The following REDIC1 variants were observed in gnomAD, a reference collection of about 807,000 sequenced individuals.
The protein encoded by REDIC1 is regulator of DNA class I crossover intermediates 1.
chr12:39,679,187 C>T, the REDIC1 span, among the ~76,000 whole-genome samples: 2 of 152,098 alleles, frequency 1.3e-5, no homozygotes, highest in African/African-American at 2.4e-5. Flanking sequence ...AAATAAAGGG[C>T]ATCCAAATAG....
At chr12:39,896,423 T>C in the REDIC1 span, among the ~76,000 whole-genome samples, 2 of 144,626 alleles carry the variant, frequency 1.4e-5, no homozygotes, top group African/African-American at 2.6e-5. Context: ...TATGTATATG[T>C]GTATATATGT....
the REDIC1 span, among the ~76,000 whole-genome samples, chr12:39,863,865 A>C: frequency 6.6e-6 from 1 of 152,194 alleles, no homozygotes. Flanking sequence ...ATGAATACCA[A>C]GTGGAGTTTA....
chr12:39,796,828 A>G, the REDIC1 span, among the ~76,000 whole-genome samples: 1 of 152,160 alleles, frequency 6.6e-6, no homozygotes, highest in Non-Finnish European at 1.5e-5. Context: ...TATTTTTAAT[A>G]ATGATAATGC....
chr12:39,653,076 C>T, the REDIC1 span, among the ~76,000 whole-genome samples: 6 of 151,808 alleles, frequency 4.0e-5, no homozygotes, highest in Non-Finnish European at 1.5e-5. Context: ...AACCAGAAAC[C>T]AAATCTATTT....
chr12:39,750,410 G>A, the REDIC1 span, among the ~76,000 whole-genome samples: 1 of 152,182 alleles, frequency 6.6e-6, no homozygotes, highest in Non-Finnish European at 1.5e-5. Flanking sequence ...TGAAACAAAA[G>A]AGGACACAAA....
the REDIC1 span, among the ~76,000 whole-genome samples, chr12:39,699,752 A>G: frequency 6.6e-6 from 1 of 152,226 alleles, no homozygotes; most frequent in South Asian, 2.1e-4. Context: ...ATCTGAGAAC[A>G]GGCAGAATGC....
the REDIC1 span, among the ~76,000 whole-genome samples, chr12:39,787,192 C>T: frequency 6.6e-6 from 1 of 152,006 alleles, no homozygotes; most frequent in South Asian, 2.1e-4. Context: ...TGTAACAGAC[C>T]CAGGTTTGAA....
At chr12:39,768,766 C>T in the REDIC1 span, among the ~76,000 whole-genome samples, 1 of 151,774 alleles carries the variant, frequency 6.6e-6, no homozygotes, top group Non-Finnish European at 1.5e-5. Flanking sequence ...ATGAAAAAGT[C>T]TGAAATAATG....
At chr12:39,863,298 T>C in the REDIC1 span, among the ~76,000 whole-genome samples, 1 of 152,154 alleles carries the variant, frequency 6.6e-6, no homozygotes, top group East Asian at 1.9e-4. Flanking sequence ...TATTTTTATT[T>C]AAACTTTAAA....
the REDIC1 span, among the ~76,000 whole-genome samples, chr12:39,738,428 G>A: frequency 6.6e-6 from 1 of 152,196 alleles, no homozygotes; most frequent in Admixed American, 6.5e-5. Flanking sequence ...AACCAAGGGA[G>A]CTGTATTTGA....
At chr12:39,835,069 TTTAAATACA>T in the REDIC1 span, among the ~76,000 whole-genome samples, 2 of 152,102 alleles carry the variant, frequency 1.3e-5, no homozygotes, top group African/African-American at 4.8e-5. Flanking sequence ...AAACTGAGAA[TTTAAATACA>T]TTGGCACAAA....
the REDIC1 span, among the ~76,000 whole-genome samples, chr12:39,653,558 T>TTTCTTC: frequency 2.3e-5 from 1 of 43,844 alleles, no homozygotes; most frequent in African/African-American, 6.9e-5. Flanking sequence ...CTTCTTCTTC[T>TTTCTTC]TTCTTCTTCT....
the REDIC1 span, chr12:39,756,695 G>A: frequency 6.6e-6 from 1 of 151,708 alleles, no homozygotes; most frequent in South Asian, 2.1e-4. Context: ...AAAAGCAAAA[G>A]GGTAAGTTGT....
At chr12:39,875,324 T>G in the REDIC1 span, among the ~76,000 whole-genome samples, 2 of 152,200 alleles carry the variant, frequency 1.3e-5, no homozygotes, top group African/African-American at 4.8e-5. Context: ...AAGCCAACAA[T>G]GATTTGTCAA....
At chr12:39,768,299 A>T in the REDIC1 span, among the ~76,000 whole-genome samples, 1 of 152,104 alleles carries the variant, frequency 6.6e-6, no homozygotes, top group African/African-American at 2.4e-5. Context: ...AGACCACTCA[A>T]ACTTTCTTCA....
At chr12:39,712,445 T>G in the REDIC1 span, among the ~76,000 whole-genome samples, 2 of 45,416 alleles carry the variant, frequency 4.4e-5, no homozygotes, top group East Asian at 3.7e-4. Flanking sequence ...TACGTATATG[T>G]ATACATACGT....
At chr12:39,835,021 G>A in the REDIC1 span, among the ~76,000 whole-genome samples, 1 of 152,044 alleles carries the variant, frequency 6.6e-6, no homozygotes, top group Non-Finnish European at 1.5e-5. Context: ...TTTCTTGAAC[G>A]TGGCCTGATG....
the REDIC1 span, among the ~76,000 whole-genome samples, chr12:39,819,025 T>G: frequency 6.6e-6 from 1 of 152,140 alleles, no homozygotes; most frequent in Non-Finnish European, 1.5e-5. Flanking sequence ...CTGTCAATCA[T>G]AGTTTTCAGA....
the REDIC1 span, among the ~76,000 whole-genome samples, chr12:39,645,264 A>G: frequency 6.6e-6 from 1 of 151,860 alleles, no homozygotes; most frequent in Non-Finnish European, 1.5e-5. Flanking sequence ...TCTTCAGCAT[A>G]TTTTTATTGG....
Sources: allele counts gnomAD v4.1 joint callset (sites outside exome capture counted in the v4.1 genomes callset), GRCh38; gene constraint gnomAD v4.1.1; transcripts MANE v1.5; gene names NCBI Gene and HGNC (gene_info 2026-07-23, HGNC 2026-07-21).